Variants in IFT27 observed in about 807,000 individuals in gnomAD.
IFT27 encodes intraflagellar transport protein 27 homolog.
A neutral mutation model predicts 23.9 loss-of-function variants in IFT27; 19 were observed. That is an observed-to-expected ratio of 0.79 (90% CI 0.55 to 1.16). IFT27 has a LOEUF of 1.16. IFT27 is among the 50% of genes most tolerant of loss of function. The pLI, the probability that IFT27 is intolerant of heterozygous loss-of-function variation, is 0.00. For missense variants in IFT27, 206 were observed against 228.7 expected, an observed-to-expected ratio of 0.90 and a Z score of 0.64; for synonymous variants, 91 against 89.1, an observed-to-expected ratio of 1.02 and a Z score of -0.12.
At chr22:36,765,417 G>A (rs1348200964) in intron 4 of IFT27, among the ~76,000 whole-genome samples, 1 of 152,170 alleles carries the variant, frequency 6.6e-6, no homozygotes, top group Non-Finnish European at 1.5e-5. Context: ...GTAGGCAATT[G>A]GGGTGAACGT....
At position 36,775,837 on chromosome 22, in the gene IFT27, C is replaced by G. The variant is rs1489264801; in HGVS notation, c.-130G>C. ...GGAGGGGAGGGCTGATCTCAAGGGTCAGTGGCCGCGACGGGACTGGGGATG... is the reference window on the plus strand; with the variant it reads ...GGAGGGGAGGGCTGATCTCAAGGGTGAGTGGCCGCGACGGGACTGGGGATG... On this transcript the variant is annotated 5_prime_UTR_variant, in exon 1 of 7. Coordinates refer to ENST00000433985, the MANE Select transcript of IFT27 (RefSeq NM_001177701.3). The G allele has an allele frequency of 1.6e-6, 1 of 629,444 alleles. No individual in the cohort carries two copies. The highest frequency in any genetic ancestry group is 2.6e-6 in the Non-Finnish European group (1 of 386,346). The allele number at this position is 629,444 out of a possible 1,614,324, so 39.0% of individuals were successfully genotyped here. A position where few individuals can be genotyped will look rare whatever the true frequency, so the allele number is the denominator to read the frequency against.
At chr22:36,769,146 G>C (rs1348106893) in intron 1 of IFT27, among the ~76,000 whole-genome samples, 4 of 152,028 alleles carry the variant, frequency 2.6e-5, no homozygotes, top group African/African-American at 9.7e-5. Context: ...TTTTCTATTT[G>C]TCATCACTCC....
At chr22:36,762,866 A>G (rs773667230) in intron 6 of IFT27, 38 bp downstream of exon 6, 66 of 1,387,274 alleles carry the variant, frequency 4.8e-5, no homozygotes, top group Non-Finnish European at 4.7e-5. Context: ...GCAGAGGCCC[A>G]CTCCAGACTT....
chr22:36,771,047 G>GGTGT (rs138610291), intron 1 of IFT27, among the ~76,000 whole-genome samples: 29 of 150,952 alleles, frequency 1.9e-4, no homozygotes, highest in African/African-American at 4.6e-4. Flanking sequence ...CCTGTCTTGG[G>GGTGT]GTGTGTGTGT....
chr22:36,763,140 T>A, intron 5 of IFT27, 127 bp from the exon 6 acceptor site: 1 of 575,534 alleles, frequency 1.7e-6, no homozygotes, highest in Non-Finnish European at 2.9e-6. Context: ...CTCGAGGTGG[T>A]GAGCCCCCCC....
Position 36,762,875 on chromosome 22 carries a change from T to C in IFT27, c.462+29A>G, listed in dbSNP as rs534819329. On this transcript the variant is annotated intron_variant, in intron 6 of 6. Coordinates refer to ENST00000433985, the MANE Select transcript of IFT27 (RefSeq NM_001177701.3). ...CTGCCAGCAGAGGCCCACTCCAGAC[T>C]TGGCGACGAGGCAAGTGGAAATACT... 5 of 1,482,584 alleles carry C rather than the reference T, an allele frequency of 3.4e-6. No homozygotes were observed. In the African/African-American group the frequency reaches 4.2e-5, roughly 12 times the overall value. The allele number at this position is 1,482,584 out of a possible 1,614,324, so 91.8% of individuals were successfully genotyped here. A position where few individuals can be genotyped will look rare whatever the true frequency, so the allele number is the denominator to read the frequency against.
Position 36,763,804 on chromosome 22 carries a change from CA to C in IFT27, c.352+114del, listed in dbSNP as rs769727391. ...AGGGCCAGTGTACGCCTTAGGCCAT[CA>C]AAGTCCAAGCCCAGGGCCCCTTCTC... On this transcript the variant is annotated intron_variant, in intron 5 of 6. Transcript: ENST00000433985. 3.4e-5 allele frequency: 27 copies of C among 801,150 alleles called. No individual in the cohort carries two copies. The Admixed American group carries it at 5.2e-4, about 15-fold the overall frequency. 49.6% of individuals were successfully genotyped at this position (801,150 alleles called of 1,614,324 possible).
chr22:36,766,373 G>A (rs966649172), intron 3 of IFT27, 176 bp from the exon 4 acceptor site: 11 of 616,134 alleles, frequency 1.8e-5, no homozygotes, highest in South Asian at 3.7e-5. Flanking sequence ...GGAAAGGAGC[G>A]AACTCCAGAG....
intron 1 of IFT27, among the ~76,000 whole-genome samples, chr22:36,771,133 T>C (rs572742898): frequency 1.4e-4 from 21 of 149,996 alleles, no homozygotes; most frequent in Non-Finnish European, 2.5e-4. Context: ...CAGTGCCCTC[T>C]TCTCAGAGAT....
chr22:36,768,322 T>C (rs1938307115), intron 1 of IFT27: 1 of 345,764 alleles, frequency 2.9e-6, no homozygotes, highest in Admixed American at 3.9e-5. Flanking sequence ...TACTTTTTTG[T>C]GTGGGGCGTG....
chr22:36,768,933 T>G (rs954927251), intron 1 of IFT27, among the ~76,000 whole-genome samples: 5 of 152,204 alleles, frequency 3.3e-5, no homozygotes, highest in Admixed American at 3.3e-4. Context: ...CATCACTTGG[T>G]ACCATCTCTT....
At chr22:36,764,216 C>T (rs532943718) in intron 4 of IFT27, among the ~76,000 whole-genome samples, 180 bp from the exon 5 acceptor site, 2 of 152,388 alleles carry the variant, frequency 1.3e-5, no homozygotes, top group African/African-American at 4.8e-5. Context: ...GGGCCACGTT[C>T]AGTGGCAGGA....
chr22:36,758,714 C>T (rs975921432), intron 6 of IFT27: 6 of 313,506 alleles, frequency 1.9e-5, no homozygotes, highest in African/African-American at 8.6e-5. Flanking sequence ...GTACGTGTGA[C>T]GAGATGTGAA....
In IFT27 at chr22:36,775,708, G is replaced by A. The variant is rs143443220; in HGVS notation, c.-1C>T. ...TGCATTTGGCTGCCAGCTTCACCAT[G>A]GTAACCAACACTCCCGCGAGCCGTA... On this transcript the variant is annotated 5_prime_UTR_variant, in exon 1 of 7. Transcript: ENST00000433985. The A allele has an allele frequency of 6.9e-4, 1,110 of 1,613,978 alleles. 2 individuals carry two copies. The highest frequency in any genetic ancestry group is 9.0e-4 in the Non-Finnish European group (1,062 of 1,180,006).
intron 3 of IFT27, chr22:36,766,447 C>G (rs1265744932): frequency 6.0e-6 from 3 of 498,784 alleles, no homozygotes; most frequent in African/African-American, 5.8e-5. Context: ...AGTCTCACCT[C>G]TTGTAACCCT....
chr22:36,774,879 T>C (rs147836375), intron 1 of IFT27, among the ~76,000 whole-genome samples: 8 of 152,220 alleles, frequency 5.3e-5, no homozygotes, highest in African/African-American at 1.9e-4. Flanking sequence ...GACGATTACA[T>C]GAAATATGTG....
At chr22:36,773,837 T>C (rs925842908) in intron 1 of IFT27, among the ~76,000 whole-genome samples, 1 of 152,064 alleles carries the variant, frequency 6.6e-6, no homozygotes, top group East Asian at 1.9e-4. Flanking sequence ...GCCTCATCTG[T>C]AAATGAGGAT....
intron 6 of IFT27, chr22:36,760,321 C>T (rs534037639): frequency 6.6e-6 from 1 of 152,302 alleles, no homozygotes; most frequent in East Asian, 1.9e-4. Flanking sequence ...CTTGGGAGAT[C>T]GCAACATAAA....
chr22:36,763,072 G>A (rs768769188), intron 5 of IFT27, 59 bp from the exon 6 acceptor site: 31 of 1,287,138 alleles, frequency 2.4e-5, no homozygotes, highest in Admixed American at 7.7e-5. Context: ...GAAGGACAGC[G>A]GGCGAGATGA....
Sources: allele counts gnomAD v4.1 joint callset (sites outside exome capture counted in the v4.1 genomes callset), GRCh38; gene constraint gnomAD v4.1.1; transcripts MANE v1.5; gene names NCBI Gene and HGNC (gene_info 2026-07-23, HGNC 2026-07-21).